The following DMD variants were observed in gnomAD, a reference collection of about 807,000 sequenced individuals.
DMD encodes the protein dystrophin, also known as mutant dystrophin.
DMD carries 63 observed loss-of-function variants against 330.1 expected under a neutral mutation model. The ratio of observed to expected loss-of-function variants is 0.19; its 90% CI spans 0.16 to 0.24. DMD has a LOEUF of 0.24. DMD is among the 10% of genes least tolerant of loss of function. The probability of loss-of-function intolerance (pLI) is 1.00; values close to 1 mark genes in which losing one functional copy is unlikely to be tolerated. For synonymous variants in DMD, 1,223 were observed against 959.8 expected (o/e 1.27, Z -5.07); for missense variants, 3,344 against 2,684.1 (o/e 1.25, Z -5.43).
chrX:33,199,916 A>C (rs1224349784), intron 1 of DMD, among the ~76,000 whole-genome samples: 1 of 111,809 alleles, frequency 8.9e-6, no homozygotes, highest in Non-Finnish European at 1.9e-5. Context: ...TTGGTTCTAG[A>C]GACATGAAGT....
Position 32,199,780 on chromosome X carries a change from TTGTG to T in DMD, c.6438+17132_6438+17135del, listed in dbSNP as rs35897988. On this transcript the variant is annotated intron_variant, in intron 44 of 78. Coordinates refer to ENST00000357033, the MANE Select transcript of DMD (RefSeq NM_004006.3). Reference sequence around the variant, plus strand: ...CAGCAAGCGCCACCACGCAAGGCTTTTGTGTGTGTGTGTGTGTGTGTGTGTGTGT... The same window carrying T: ...CAGCAAGCGCCACCACGCAAGGCTTTTGTGTGTGTGTGTGTGTGTGTGTGT... 3.2e-3 allele frequency among the ~76,000 whole-genome samples: 272 copies of T among 84,126 alleles called. 5 individuals carry two copies. In the East Asian group the frequency reaches 0.062, roughly 19 times the overall value. 73.1% of individuals were successfully genotyped at this position (84,126 alleles called of 115,157 possible).
intron 1 of DMD, among the ~76,000 whole-genome samples, chrX:33,084,440 G>A (rs138279436): frequency 8.9e-6 from 1 of 111,965 alleles, no homozygotes; most frequent in Non-Finnish European, 1.9e-5. Flanking sequence ...CCAGGCATTC[G>A]GGGAACAGAG....
At chrX:31,685,913 G>C (rs1329227807) in intron 52 of DMD, among the ~76,000 whole-genome samples, 2 of 111,766 alleles carry the variant, frequency 1.8e-5, no homozygotes, top group Non-Finnish European at 3.8e-5. Flanking sequence ...TCCTTCATCA[G>C]GATCAAACCC....
At chrX:32,705,909 A>G (rs2064587410) in intron 7 of DMD, among the ~76,000 whole-genome samples, 1 of 110,358 alleles carries the variant, frequency 9.1e-6, no homozygotes, top group South Asian at 3.9e-4. Flanking sequence ...TCATGCTGCT[A>G]TAAAGACACA....
chrX:32,880,142 C>T (rs558184839), intron 2 of DMD, among the ~76,000 whole-genome samples: 99 of 110,962 alleles, frequency 8.9e-4, no homozygotes, highest in African/African-American at 3.0e-3. Flanking sequence ...AATTTTTTGC[C>T]AATTGCCCAT....
chrX:32,642,493 G>A (rs1180357886), intron 11 of DMD, among the ~76,000 whole-genome samples: 1 of 111,976 alleles, frequency 8.9e-6, no homozygotes, highest in Non-Finnish European at 1.9e-5. Flanking sequence ...TCTCTAGTGG[G>A]ATGGGGATGA....
At chrX:32,489,033 T>C (rs2042741202) in intron 20 of DMD, among the ~76,000 whole-genome samples, 1 of 111,565 alleles carries the variant, frequency 9.0e-6, no homozygotes, top group African/African-American at 3.3e-5. Context: ...TTGGTGGCTG[T>C]ATCAGGTTCG....
intron 16 of DMD, among the ~76,000 whole-genome samples, chrX:32,563,435 T>C (rs1444967198): frequency 9.0e-6 from 1 of 110,517 alleles, no homozygotes; most frequent in African/African-American, 3.3e-5. Context: ...ACTCAACCTT[T>C]TTCCCCTCAA....
At chrX:31,473,094 C>T (rs1048794695) in intron 59 of DMD, among the ~76,000 whole-genome samples, 3 of 110,906 alleles carry the variant, frequency 2.7e-5, no homozygotes, top group South Asian at 3.8e-4. Flanking sequence ...CAGTGGCTCA[C>T]GCCTGTAATC....
Position 32,849,855 on chromosome X carries a change from G to T in DMD, c.94-35C>A, listed in dbSNP as rs757292318. The stretch of plus-strand genomic sequence containing the variant: ...AAAAAAATACACTCAATTTAACAAA[G>T]CACACTTCCAATGATACATTTTCAC... On this transcript the variant is annotated intron_variant, in intron 2 of 78. Transcript: ENST00000357033. The T allele has an allele frequency of 9.2e-6, 9 of 980,191 alleles. No homozygotes were observed. The Middle Eastern group carries it at 1.3e-3, about 141-fold the overall frequency. 80.8% of individuals were successfully genotyped at this position (980,191 alleles called of 1,213,427 possible). A position where few individuals can be genotyped will look rare whatever the true frequency, so the allele number is the denominator to read the frequency against.
At chrX:31,766,169 T>C (rs1216982365) in intron 51 of DMD, among the ~76,000 whole-genome samples, 2 of 111,595 alleles carry the variant, frequency 1.8e-5, no homozygotes, top group Non-Finnish European at 3.8e-5. Context: ...AGACCCAGAT[T>C]CTACGTATTT....
chrX:31,842,931 T>C (rs1414215914), intron 48 of DMD, among the ~76,000 whole-genome samples: 1 of 111,659 alleles, frequency 9.0e-6, no homozygotes, highest in Non-Finnish European at 1.9e-5. Context: ...TGTCCATGAG[T>C]GCCCAATGTT....
chrX:32,888,801 T>C (rs1398919590), intron 2 of DMD, among the ~76,000 whole-genome samples: 1 of 111,724 alleles, frequency 9.0e-6, no homozygotes, highest in African/African-American at 3.3e-5. Context: ...ATGTGGAATA[T>C]ACACACAATG....
chrX:31,425,204 T>C (rs377117631), intron 60 of DMD, among the ~76,000 whole-genome samples: 12 of 112,215 alleles, frequency 1.1e-4, no homozygotes, highest in South Asian at 3.7e-4. Flanking sequence ...CAATTCCATA[T>C]ACAGGTATAA....
intron 52 of DMD, among the ~76,000 whole-genome samples, chrX:31,705,539 A>G (rs1397146765): frequency 8.8e-6 from 1 of 113,023 alleles, no homozygotes; most frequent in Non-Finnish European, 1.9e-5. Context: ...CTTCTTCCAC[A>G]ATACAGGCTG....
At chrX:31,582,182 A>G (rs1395995900) in intron 55 of DMD, among the ~76,000 whole-genome samples, 4 of 111,974 alleles carry the variant, frequency 3.6e-5, no homozygotes, top group Non-Finnish European at 7.5e-5. Flanking sequence ...ACTTACTGAG[A>G]GATTTGTAAT....
chrX:32,370,702 C>A (rs747332573), intron 34 of DMD, among the ~76,000 whole-genome samples: 1 of 110,021 alleles, frequency 9.1e-6, no homozygotes, highest in Non-Finnish European at 1.9e-5. Flanking sequence ...AAAAAAGATA[C>A]GTAATTTTTC....
intron 50 of DMD, among the ~76,000 whole-genome samples, chrX:31,792,039 C>T (rs1195227633): frequency 9.0e-6 from 1 of 111,511 alleles, no homozygotes; most frequent in Non-Finnish European, 1.9e-5. Context: ...AATCAAAAAG[C>T]AGATTTATAT....
At chrX:33,169,573 A>G (rs909458916) in intron 1 of DMD, among the ~76,000 whole-genome samples, 1 of 111,896 alleles carries the variant, frequency 8.9e-6, no homozygotes, top group African/African-American at 3.2e-5. Context: ...TTTTGAATTA[A>G]TGTTCTCTCA....
Sources: gnomAD v4.1 joint callset for allele counts (sites outside exome capture counted in the v4.1 genomes callset) on GRCh38, gnomAD v4.1.1 for gene constraint, MANE v1.5 for transcripts, NCBI Gene and HGNC (gene_info 2026-07-23, HGNC 2026-07-21) for gene names.